Variants in NDNF observed in about 807,000 individuals in gnomAD.
The protein encoded by NDNF is neuron derived neurotrophic factor.
A neutral mutation model predicts 42.0 loss-of-function variants in NDNF; 16 were observed. That is an observed-to-expected ratio of 0.38 (90% CI 0.26 to 0.58). The LOEUF is 0.58. Ranked by LOEUF, NDNF falls within the 20% of genes least tolerant of loss-of-function variation. The pLI is 0.67. For missense variants in NDNF, 616 were observed against 666.2 expected (o/e 0.92, Z 0.83); for synonymous variants, 248 against 251.7 (o/e 0.99, Z 0.14).
intron 1 of NDNF, among the ~76,000 whole-genome samples, chr4:121,058,131 T>C (rs1727333851): frequency 6.6e-6 from 1 of 152,238 alleles, no homozygotes; most frequent in African/African-American, 2.4e-5. Context: ...CCTACATAGC[T>C]GTTTTTAGTT....
chr4:121,067,474 T>C (rs1727520067), intron 1 of NDNF, among the ~76,000 whole-genome samples: 1 of 152,174 alleles, frequency 6.6e-6, no homozygotes, highest in African/African-American at 2.4e-5. Context: ...CCAAAGGATA[T>C]GGAAGTTATT....
At chr4:121,048,719 T>A (rs1727136274) in intron 1 of NDNF, among the ~76,000 whole-genome samples, 1 of 151,974 alleles carries the variant, frequency 6.6e-6, no homozygotes, top group South Asian at 2.1e-4. Context: ...GCGCCTGTAA[T>A]CCCAGCTACT....
intron 1 of NDNF, among the ~76,000 whole-genome samples, chr4:121,065,477 T>C (rs1210740898): frequency 6.6e-6 from 1 of 152,126 alleles, no homozygotes; most frequent in African/African-American, 2.4e-5. Flanking sequence ...TCCACTTTAC[T>C]GTAATTAAAA....
At chr4:121,045,863 T>C in intron 1 of NDNF, 25 bp from the exon 2 acceptor site, 2 of 1,603,536 alleles carry the variant, frequency 1.2e-6, no homozygotes, top group Non-Finnish European at 1.7e-6. Context: ...ATGACTACTT[T>C]ATTAGTTCTG....
chr4:121,065,349 C>A (rs1452289095), intron 1 of NDNF, among the ~76,000 whole-genome samples: 2 of 151,716 alleles, frequency 1.3e-5, no homozygotes, highest in African/African-American at 4.8e-5. Context: ...AAGGAGGGCA[C>A]CCCCTTTTAA....
Position 121,037,557 on chromosome 4 carries a change from C to T in NDNF, c.414G>A (p.Ser138=), listed in dbSNP as rs759524781. The T allele has an allele frequency of 4.8e-5, 78 of 1,613,704 alleles. 1 individual carries two copies. The highest frequency in any genetic ancestry group is 3.6e-4 in the East Asian group (16 of 44,864). The change falls in exon 4 of 4, where the codon TCG becomes TCA. Residue 138 remains serine, a synonymous_variant. Coordinates refer to ENST00000379692, the MANE Select transcript of NDNF (RefSeq NM_024574.4). ...GATATAAACCGGATGGGGAACTAGA[C>T]GATATAAAATACTCAACATCATTGC... is the stretch of plus-strand genomic sequence containing the variant. ...YKGNDVEYFI[S]SSSPSGLYQL...
chr4:121,043,988 A>G (rs368958099), intron 2 of NDNF, among the ~76,000 whole-genome samples: 1 of 152,204 alleles, frequency 6.6e-6, no homozygotes, highest in African/African-American at 2.4e-5. Flanking sequence ...CTTCAATGTA[A>G]TCATCCTTTC....
At chr4:121,056,144 T>G (rs1727290987) in intron 1 of NDNF, among the ~76,000 whole-genome samples, 1 of 152,186 alleles carries the variant, frequency 6.6e-6, no homozygotes. Flanking sequence ...ACCATATAAC[T>G]TATGCTACTG....
At chr4:121,038,823 C>T (rs887528072) in intron 3 of NDNF, 4 of 151,402 alleles carry the variant, frequency 2.6e-5, no homozygotes, top group Admixed American at 6.6e-5. Flanking sequence ...CCTATCTTTA[C>T]AAAAATACAA....
At chr4:121,038,709 A>T (rs28656076) in intron 3 of NDNF, among the ~76,000 whole-genome samples, 4,107 of 152,214 alleles carry the variant, frequency 0.027, 172 homozygotes, top group African/African-American at 0.094. Context: ...AGATTTGGCC[A>T]GGTGCGGTGG....
intron 1 of NDNF, among the ~76,000 whole-genome samples, chr4:121,058,150 T>C (rs1727334370): frequency 6.6e-6 from 1 of 152,230 alleles, no homozygotes; most frequent in South Asian, 2.1e-4. Flanking sequence ...TTTTCTTGTA[T>C]AAAGTAGGCA....
intron 1 of NDNF, among the ~76,000 whole-genome samples, chr4:121,046,431 C>T (rs907214813): frequency 2.0e-5 from 3 of 152,124 alleles, no homozygotes; most frequent in African/African-American, 7.2e-5. Flanking sequence ...TAGTATTATG[C>T]TTTTTCCAAG....
chr4:121,037,852 T>C (rs1025176893), intron 3 of NDNF, 195 bp from the exon 4 acceptor site: 46 of 443,100 alleles, frequency 1.0e-4, no homozygotes, highest in African/African-American at 8.6e-4. Context: ...TGTGTAAGGC[T>C]TCTCTGAATA....
rs1275127846 is a variant in NDNF, at chr4:121,036,786, A to T, written c.1185T>A (p.Leu395=). 6.2e-7 allele frequency: 1 copy of T among 1,614,174 alleles called. No homozygotes were observed. The highest frequency in any genetic ancestry group is 8.5e-7 in the Non-Finnish European group (1 of 1,180,036). The change falls in exon 4 of 4, where the codon CTT becomes CTA. Residue 395 remains leucine, a synonymous_variant. Transcript: ENST00000379692. ...TGCCTTCCACATTCTGAGACAGAAG[A>T]AGTTTCCCATCTCTTCTCACTTGGA... ...VQIQVRRDGK[L]LLSQNVEGIQ... is the part of the protein sequence containing the mutation.
intron 1 of NDNF, among the ~76,000 whole-genome samples, chr4:121,053,979 C>T (rs533258632): frequency 3.3e-5 from 5 of 152,250 alleles, no homozygotes; most frequent in South Asian, 4.2e-4. Context: ...AGCAACAGCA[C>T]GTATCAGCCT....
chr4:121,070,963 A>G lies in NDNF; in HGVS notation c.-2+1030T>C, dbSNP rs567646374. Among the ~76,000 whole-genome samples, 69 of 152,288 alleles carry G rather than the reference A, an allele frequency of 4.5e-4. No individual in the cohort carries two copies. The South Asian group carries it at 9.1e-3, about 20-fold the overall frequency. On this transcript the variant is annotated intron_variant, in intron 1 of 3. Transcript: ENST00000379692. ...AGCTGATGCGGGGCGGGTCCGGGGA[A>G]CTGCCGGGAGCTCTCACGCCTGGGC...
At position 121,037,617 on chromosome 4, in the gene NDNF, A is replaced by C; in HGVS notation, c.354T>G (p.Ile118Met). ...AGAATAACTCAGTGCCTTCCTCATTAATGATCTGCTGCTTCTGCTGCTCAA... is the reference window on the plus strand; with the variant it reads ...AGAATAACTCAGTGCCTTCCTCATTCATGATCTGCTGCTTCTGCTGCTCAA... ...EPLEQQKQQIINEEGTELFSY... is the reference protein window; with the variant it reads ...EPLEQQKQQIMNEEGTELFSY... The change falls in exon 4 of 4, where the codon ATT (isoleucine) becomes ATG (methionine). Residue 118 changes from isoleucine to methionine, a missense_variant. Coordinates refer to ENST00000379692, the MANE Select transcript of NDNF (RefSeq NM_024574.4). The C allele has an allele frequency of 1.2e-6, 2 of 1,601,460 alleles. No homozygotes were observed. Among genetic ancestry groups the C allele is most frequent in the Non-Finnish European group, 1.7e-6 (2 of 1,176,926 alleles).
At chr4:121,053,818 G>A (rs1727240872) in intron 1 of NDNF, among the ~76,000 whole-genome samples, 1 of 152,174 alleles carries the variant, frequency 6.6e-6, no homozygotes, top group Non-Finnish European at 1.5e-5. Context: ...TCTTGCTTTT[G>A]TTTGGCAACT....
At chr4:121,071,885 C>T (rs1407246879) in intron 1 of NDNF, 108 bp downstream of exon 1, 1 of 152,074 alleles carries the variant, frequency 6.6e-6, no homozygotes, top group East Asian at 1.9e-4. Flanking sequence ...GTGCCTCGAG[C>T]CCCCATCTCG....
Sources: gnomAD v4.1 joint callset for allele counts (sites outside exome capture counted in the v4.1 genomes callset) on GRCh38, gnomAD v4.1.1 for gene constraint, MANE v1.5 for transcripts, NCBI Gene and HGNC (gene_info 2026-07-23, HGNC 2026-07-21) for gene names.